Variants in ITGA10 observed in about 807,000 individuals in gnomAD.
ITGA10 encodes integrin alpha-10.
A neutral mutation model predicts 145.2 loss-of-function variants in ITGA10; 105 were observed. That is an observed-to-expected ratio of 0.72 (90% CI 0.62 to 0.85). The LOEUF (loss-of-function observed/expected upper bound fraction) is 0.85. Ranked by LOEUF, ITGA10 falls within the 40% of genes least tolerant of loss-of-function variation. ITGA10 has a pLI of 0.00. For synonymous variants in ITGA10, 506 were observed against 557.8 expected, an observed-to-expected ratio of 0.91 and a Z score of 1.31; for missense variants, 1,317 against 1,444.5, an observed-to-expected ratio of 0.91 and a Z score of 1.43.
At position 145,892,288 on chromosome 1, in the gene ITGA10, A is replaced by G. The variant is rs1654835547; in HGVS notation, c.*510T>C. The G allele has an allele frequency of 6.5e-6, 1 of 153,456 alleles. No homozygotes were observed. The highest frequency in any genetic ancestry group is 6.5e-5 in the Admixed American group (1 of 15,322). The allele number at this position is 153,456 out of a possible 1,614,324, so 9.5% of individuals were successfully genotyped here. On this transcript the variant is annotated 3_prime_UTR_variant, in exon 30 of 30. Transcript: ENST00000369304. ...CTGTTGACTCTCCCCATCCGGCTCT[A>G]TGAATCACCAGAGTCCACAGGAAAG...
In ITGA10 at chr1:145,900,289, T is replaced by C. The variant is rs1553747571; in HGVS notation, c.1792-102A>G. On this transcript the variant is annotated intron_variant, in intron 14 of 29. Transcript: ENST00000369304. ...TTTATTTATTTATTTATTTTTGAGA[T>C]GGAGTTTCACTCTTGTTGCCCAGGC... 4.6e-6 allele frequency: 6 copies of C among 1,311,096 alleles called. No homozygotes were observed. The Admixed American group carries it at 1.2e-4, about 27-fold the overall frequency. The allele number at this position is 1,311,096 out of a possible 1,614,324, so 81.2% of individuals were successfully genotyped here. A position where few individuals can be genotyped will look rare whatever the true frequency, so the allele number is the denominator to read the frequency against.
chr1:145,892,204 CT>C lies in ITGA10; in HGVS notation c.*593del. On this transcript the variant is annotated 3_prime_UTR_variant, in exon 30 of 30. Transcript: ENST00000369304. ...GGCAGTTGCCTGTCTAAAGGCTTCT[CT>C]GTTCCTTGGAATTGTACAGAATGTC... The C allele has an allele frequency of 6.5e-6, 1 of 152,924 alleles. No individual in the cohort carries two copies. Among genetic ancestry groups the C allele is most frequent in the East Asian group, 1.9e-4 (1 of 5,206 alleles). 9.5% of individuals were successfully genotyped at this position (152,924 alleles called of 1,614,324 possible).
chr1:145,897,604 T>C lies in ITGA10; in HGVS notation c.2482A>G (p.Thr828Ala). ...RGGRRKVLVS[T>A]TLENRKENAY... ...TTTTCCTTTCTGTTCTCCAGAGTTG[T>C]AGATACCAGCACTTTCCGCCGGCCA... Residue 828 changes from threonine to alanine, a missense_variant, in exon 20 of 30, where the codon ACA (threonine) becomes GCA (alanine). Coordinates refer to ENST00000369304, the MANE Select transcript of ITGA10 (RefSeq NM_003637.5). The C allele has an allele frequency of 6.2e-7, 1 of 1,614,158 alleles. No individual in the cohort carries two copies. Among genetic ancestry groups the C allele is most frequent in the Non-Finnish European group, 8.5e-7 (1 of 1,180,012 alleles).
At position 145,891,766 on chromosome 1, in the gene ITGA10, C is replaced by G. The variant is rs1654774215; in HGVS notation, c.*1032G>C. On this transcript the variant is annotated 3_prime_UTR_variant, in exon 30 of 30. Transcript: ENST00000369304. Reference sequence around the variant, plus strand: ...TGCTGAGCAAGTAAGGGCTTGCTCCCCAGAGCCCCATGCCACCCATGTAGG... The same window carrying G: ...TGCTGAGCAAGTAAGGGCTTGCTCCGCAGAGCCCCATGCCACCCATGTAGG... The G allele has an allele frequency of 6.6e-6, 1 of 152,214 alleles. No homozygotes were observed. The highest frequency in any genetic ancestry group is 2.4e-5 in the African/African-American group (1 of 41,446). 9.4% of individuals were successfully genotyped at this position (152,214 alleles called of 1,614,324 possible). A position where few individuals can be genotyped will look rare whatever the true frequency, so the allele number is the denominator to read the frequency against.
chr1:145,904,780 GA>G lies in ITGA10; in HGVS notation c.512del (p.Val171AlafsTer22). ...RCPTYMDVVI[V>X]LDGSNSIYPW... ...GGTAGATGCTGTTGGAGCCATCCAA[GA>G]CAATGACAACATCCATGTATGTTGG... On this transcript the variant is annotated frameshift_variant, in exon 6 of 30. Coordinates refer to ENST00000369304, the MANE Select transcript of ITGA10 (RefSeq NM_003637.5). LOFTEE classifies it high-confidence loss of function. 2 of 1,613,936 alleles carry G rather than the reference GA, an allele frequency of 1.2e-6. No individual in the cohort carries two copies. The highest frequency in any genetic ancestry group is 1.7e-6 in the Non-Finnish European group (2 of 1,179,878).
At chr1:145,909,941 C>T in intron 1 of ITGA10, 22 bp downstream of exon 1, 3 of 1,606,690 alleles carry the variant, frequency 1.9e-6, no homozygotes, top group Non-Finnish European at 2.6e-6. Context: ...CCACCAGAAA[C>T]CAAGAAGTTA....
chr1:145,902,061 G>A, intron 10 of ITGA10, 40 bp from the exon 11 acceptor site: 1 of 1,596,668 alleles, frequency 6.3e-7, no homozygotes. Context: ...AGAAGACAGT[G>A]GGGAATAAAG....
intron 27 of ITGA10, among the ~76,000 whole-genome samples, chr1:145,894,390 G>A (rs782236275): frequency 5.9e-5 from 9 of 152,062 alleles, no homozygotes; most frequent in South Asian, 2.1e-4. Flanking sequence ...GATTACAGGC[G>A]TGAGCCACCG....
Position 145,892,548 on chromosome 1 carries a change from C to G in ITGA10, c.*250G>C. 2.4e-6 allele frequency: 1 copy of G among 410,358 alleles called. No homozygotes were observed. The highest frequency in any genetic ancestry group is 4.3e-6 in the Non-Finnish European group (1 of 230,740). 25.4% of individuals were successfully genotyped at this position (410,358 alleles called of 1,614,324 possible). A position where few individuals can be genotyped will look rare whatever the true frequency, so the allele number is the denominator to read the frequency against. ...AAAGCCCCAGTGTTGGCTATGGAAC[C>G]AGGATCACGAGGAGGAGGGAAGCAG... is the stretch of plus-strand genomic sequence containing the variant. On this transcript the variant is annotated 3_prime_UTR_variant, in exon 30 of 30. Coordinates refer to ENST00000369304, the MANE Select transcript of ITGA10 (RefSeq NM_003637.5).
chr1:145,904,339 G>C, intron 6 of ITGA10, 139 bp from the exon 7 acceptor site: 2 of 804,166 alleles, frequency 2.5e-6, no homozygotes, highest in Non-Finnish European at 4.0e-6. Flanking sequence ...CTCTCTCTCT[G>C]TCTCTCCCCT....
chr1:145,909,073 G>A (rs1239045703), intron 1 of ITGA10, among the ~76,000 whole-genome samples: 1 of 151,914 alleles, frequency 6.6e-6, no homozygotes, highest in Non-Finnish European at 1.5e-5. Context: ...GTGGCTGTCG[G>A]GGGCGGATTG....
intron 1 of ITGA10, among the ~76,000 whole-genome samples, chr1:145,909,137 TAA>T (rs112626164): frequency 2.8e-5 from 4 of 142,388 alleles, no homozygotes; most frequent in South Asian, 2.2e-4. Context: ...ACTCTGTCTC[TAA>T]AAAAAAAAAA....
rs782776782 is a variant in ITGA10, at chr1:145,896,071, A to G, written c.2945T>C (p.Val982Ala). ...GAGGGCTGAGATGATGAGGCCACTG[A>G]CCACATAGCAGCCTAGGTTCTGAAC... ...LRVQNLGCYV[V>A]SGLIISALLP... The change falls in exon 25 of 30, where the codon GTC (valine) becomes GCC (alanine). Residue 982 changes from valine (V) to alanine (A), a missense_variant. Coordinates refer to ENST00000369304, the MANE Select transcript of ITGA10 (RefSeq NM_003637.5). 1 of 1,614,156 alleles carries G rather than the reference A, an allele frequency of 6.2e-7. No homozygotes were observed. Among genetic ancestry groups the G allele is most frequent in the Non-Finnish European group, 8.5e-7 (1 of 1,179,994 alleles).
chr1:145,909,896 G>A (rs978306825), intron 1 of ITGA10, 67 bp downstream of exon 1: 1 of 1,345,606 alleles, frequency 7.4e-7, no homozygotes. Flanking sequence ...AACTATAATG[G>A]TCCCAATTCC....
At position 145,898,198 on chromosome 1, in the gene ITGA10, A is replaced by G. The variant is rs1394174725; in HGVS notation, c.2258T>C (p.Val753Ala). 1 of 1,613,794 alleles carries G rather than the reference A, an allele frequency of 6.2e-7. No homozygotes were observed. Among genetic ancestry groups the G allele is most frequent in the Non-Finnish European group, 8.5e-7 (1 of 1,179,802 alleles). Reference protein sequence around the residue: ...VLDTSDYLRPVALTVTFALDN... With the variant: ...VLDTSDYLRPAALTVTFALDN... ...CAAGGCAAAGGTCACAGTCAAGGCC[A>G]CTGGCCGGAGGTAATCTGATGTATC... The change falls in exon 18 of 30, where the codon GTG becomes GCG. Residue 753 changes from valine (V) to alanine (A), a missense_variant. Val to Ala is a moderately conservative substitution (Grantham distance 64). Transcript: ENST00000369304.
At chr1:145,898,004 G>A in intron 18 of ITGA10, 104 bp from the exon 19 acceptor site, 2 of 1,277,662 alleles carry the variant, frequency 1.6e-6, no homozygotes, top group Non-Finnish European at 2.3e-6. Context: ...TTGATTAGAG[G>A]AGCCCAGGTC....
chr1:145,902,158 G>A, intron 10 of ITGA10, 88 bp downstream of exon 10: 1 of 1,560,614 alleles, frequency 6.4e-7, no homozygotes, highest in Non-Finnish European at 8.8e-7. Context: ...CATGGAGGCT[G>A]GTTAAAGGAG....
Position 145,901,675 on chromosome 1 carries a change from G to A in ITGA10, c.1295-11C>T. ...AAGAAACAGAGTAACCTAGAAGTGG[G>A]CAAAGTAACAGAGGTAAAGGAAAAG... is the stretch of plus-strand genomic sequence containing the variant. On this transcript the variant is annotated splice_polypyrimidine_tract_variant and intron_variant, in intron 11 of 29. Transcript: ENST00000369304. The surrounding 1 kb of genome is among the most constrained non-coding windows in gnomAD (Gnocchi z 4.3). The A allele has an allele frequency of 3.2e-6, 5 of 1,551,408 alleles. No homozygotes were observed. The highest frequency in any genetic ancestry group is 4.3e-6 in the Non-Finnish European group (5 of 1,150,444).
In ITGA10 at chr1:145,897,242, C is replaced by T; in HGVS notation, c.2667+5G>A. 1 of 1,613,968 alleles carries T rather than the reference C, an allele frequency of 6.2e-7. No homozygotes were observed. The highest frequency in any genetic ancestry group is 8.5e-7 in the Non-Finnish European group (1 of 1,179,894). On this transcript the variant is annotated splice_donor_5th_base_variant and intron_variant, in intron 21 of 29. Transcript: ENST00000369304. ...GCCCTCTTTTCATCCTAGACCCCAA[C>T]CCACCTTGGCTCCAGTCTGGAAGAC...
Sources: gnomAD v4.1 joint callset for allele counts (sites outside exome capture counted in the v4.1 genomes callset) on GRCh38, gnomAD v4.1.1 for gene constraint, Gnocchi (gnomAD v3.1) non-coding constraint, MANE v1.5 for transcripts, NCBI Gene and HGNC (gene_info 2026-07-23, HGNC 2026-07-21) for gene names.